The following PTPRK variants were observed in gnomAD, a reference collection of about 807,000 sequenced individuals.
The protein encoded by PTPRK is receptor-type tyrosine-protein phosphatase kappa.
In PTPRK, 75 loss-of-function variants were observed where a neutral mutation model predicts 178.0. That is an observed-to-expected ratio of 0.42 (90% confidence interval 0.35 to 0.51). PTPRK has a LOEUF of 0.51. Among genes scored for constraint, PTPRK ranks in the 20% least tolerant of loss-of-function variants. The pLI is 0.02. For missense variants in PTPRK, 1,441 were observed against 1,797.8 expected, an observed-to-expected ratio of 0.80 and a Z score of 3.59; for synonymous variants, 637 against 620.6, an observed-to-expected ratio of 1.03 and a Z score of -0.39.
intron 7 of PTPRK, among the ~76,000 whole-genome samples, chr6:128,174,293 G>C (rs1359564451): frequency 1.3e-5 from 2 of 151,948 alleles, no homozygotes; most frequent in African/African-American, 4.8e-5. Context: ...CATGTTTGTG[G>C]CTATCCAGAA....
chr6:128,416,406 C>T (rs867467285), intron 1 of PTPRK, among the ~76,000 whole-genome samples: 8 of 151,236 alleles, frequency 5.3e-5, no homozygotes, highest in Middle Eastern at 3.4e-3. Context: ...CTTTGGGAGG[C>T]GGAGGCAGGC....
chr6:128,276,473 G>T (rs1820742236), intron 3 of PTPRK, among the ~76,000 whole-genome samples: 1 of 152,000 alleles, frequency 6.6e-6, no homozygotes, highest in Admixed American at 6.6e-5. Flanking sequence ...ACAGAAAGAA[G>T]AAAGAAAAAT....
At chr6:128,057,446 T>G (rs1311545973) in intron 13 of PTPRK, among the ~76,000 whole-genome samples, 2 of 152,178 alleles carry the variant, frequency 1.3e-5, no homozygotes, top group South Asian at 2.1e-4. Flanking sequence ...AAAGTCTAGT[T>G]TCCTTCTGGG....
intron 13 of PTPRK, among the ~76,000 whole-genome samples, chr6:128,061,574 G>C (rs1780828276): frequency 6.6e-6 from 1 of 152,268 alleles, no homozygotes; most frequent in Admixed American, 6.5e-5. Flanking sequence ...GGGAGGGTCT[G>C]ACTGTAGGGC....
intron 13 of PTPRK, among the ~76,000 whole-genome samples, chr6:128,052,925 T>C (rs1350137382): frequency 1.3e-5 from 2 of 152,284 alleles, no homozygotes; most frequent in South Asian, 2.1e-4. Flanking sequence ...TGTGTCCTCT[T>C]GCTATGCCCT....
intron 6 of PTPRK, among the ~76,000 whole-genome samples, chr6:128,217,298 G>A (rs911012894): frequency 1.3e-5 from 2 of 152,096 alleles, no homozygotes; most frequent in Admixed American, 6.5e-5. Flanking sequence ...AGCTGAATAC[G>A]GAGACATCAG....
chr6:128,110,433 A>G (rs1158625757), intron 7 of PTPRK, among the ~76,000 whole-genome samples: 3 of 152,042 alleles, frequency 2.0e-5, no homozygotes, highest in Admixed American at 2.0e-4. Context: ...TAACAGCTGA[A>G]CAAGCCATTA....
At chr6:128,102,285 T>C (rs1286737872) in intron 7 of PTPRK, among the ~76,000 whole-genome samples, 1 of 152,190 alleles carries the variant, frequency 6.6e-6, no homozygotes, top group Non-Finnish European at 1.5e-5. Context: ...CAAAGGTGAA[T>C]AAGACATGAC....
At chr6:128,127,152 G>C (rs563461845) in intron 7 of PTPRK, among the ~76,000 whole-genome samples, 1 of 152,260 alleles carries the variant, frequency 6.6e-6, no homozygotes, top group South Asian at 2.1e-4. Context: ...TATATGTCTA[G>C]TATTTCTCCA....
chr6:128,361,010 A>G (rs984792854), intron 2 of PTPRK, among the ~76,000 whole-genome samples: 2 of 152,204 alleles, frequency 1.3e-5, no homozygotes, highest in African/African-American at 4.8e-5. Context: ...TTAAGAATTC[A>G]GAGCAAATTA....
At chr6:128,202,466 C>A (rs1806140217) in intron 6 of PTPRK, among the ~76,000 whole-genome samples, 1 of 152,120 alleles carries the variant, frequency 6.6e-6, no homozygotes, top group African/African-American at 2.4e-5. Flanking sequence ...TACTCTGGAC[C>A]CGGGATTCCC....
intron 5 of PTPRK, chr6:128,235,452 T>C: frequency 6.9e-6 from 2 of 289,936 alleles, no homozygotes; most frequent in South Asian, 6.3e-5. Flanking sequence ...CTTTTGATCT[T>C]ATTTCCCATA....
Position 127,996,801 on chromosome 6 carries a change from C to T in PTPRK, c.2767+100G>A, listed in dbSNP as rs939199842. ...TGCTGTTTTAATATTAAATAGATTA[C>T]TTCATAAACAGACACACCACTCTCT... On this transcript the variant is annotated intron_variant, in intron 17 of 29. Coordinates refer to ENST00000368226, the MANE Select transcript of PTPRK (RefSeq NM_002844.4). The T allele has an allele frequency of 6.5e-6, 9 of 1,387,650 alleles. No individual in the cohort carries two copies. In the Admixed American group the frequency reaches 7.1e-5, roughly 11 times the overall value. The allele number at this position is 1,387,650 out of a possible 1,614,324, so 86.0% of individuals were successfully genotyped here.
intron 1 of PTPRK, among the ~76,000 whole-genome samples, chr6:128,485,409 C>T (rs909769893): frequency 1.3e-5 from 2 of 152,108 alleles, no homozygotes; most frequent in African/African-American, 4.8e-5. Context: ...TTACATAGAT[C>T]TATATCATTA....
intron 1 of PTPRK, among the ~76,000 whole-genome samples, chr6:128,431,969 A>AAAGGAAGG (rs142002214): frequency 1.3e-5 from 2 of 151,974 alleles, no homozygotes; most frequent in African/African-American, 2.4e-5. Context: ...CCCAATGCAA[A>AAAGGAAGG]AAGGAAGGAA....
At chr6:128,022,967 A>C (rs1330483479) in intron 13 of PTPRK, among the ~76,000 whole-genome samples, 3 of 152,192 alleles carry the variant, frequency 2.0e-5, no homozygotes, top group Non-Finnish European at 4.4e-5. Flanking sequence ...GCACGAACCA[A>C]AATGCTCAGA....
At chr6:128,257,480 A>C (rs1430311163) in intron 3 of PTPRK, among the ~76,000 whole-genome samples, 1 of 152,164 alleles carries the variant, frequency 6.6e-6, no homozygotes, top group Non-Finnish European at 1.5e-5. Flanking sequence ...AGTATGCCTA[A>C]ATATGCTTGG....
intron 1 of PTPRK, among the ~76,000 whole-genome samples, chr6:128,441,138 T>C (rs935756353): frequency 6.6e-6 from 1 of 152,358 alleles, no homozygotes; most frequent in African/African-American, 2.4e-5. Flanking sequence ...AATTTGCATT[T>C]CTTTGTTATA....
At chr6:128,310,918 C>T (rs1827150524) in intron 3 of PTPRK, among the ~76,000 whole-genome samples, 1 of 152,070 alleles carries the variant, frequency 6.6e-6, no homozygotes, top group Non-Finnish European at 1.5e-5. Context: ...TTAGAACACC[C>T]AGGTGTAGGA....
Sources: allele counts gnomAD v4.1 joint callset (sites outside exome capture counted in the v4.1 genomes callset), GRCh38; gene constraint gnomAD v4.1.1; transcripts MANE v1.5; gene names NCBI Gene and HGNC (gene_info 2026-07-23, HGNC 2026-07-21).